POPDC1: variants seen among roughly 807,000 people sequenced by gnomAD.
The protein encoded by POPDC1 is popeye domain-containing protein 1.
the POPDC1 span, among the ~76,000 whole-genome samples, chr6:105,110,422 T>C: frequency 1.3e-5 from 2 of 152,362 alleles, no homozygotes; most frequent in Admixed American, 6.5e-5. Context: ...GTACAATTCA[T>C]GTAAAGCTTA....
chr6:105,116,934 T>C, the POPDC1 span: 3 of 1,432,772 alleles, frequency 2.1e-6, no homozygotes, highest in Non-Finnish European at 2.8e-6. Flanking sequence ...ACTATAGTGA[T>C]TTAGAAAACT....
the POPDC1 span, chr6:105,098,616 T>A: frequency 6.6e-6 from 1 of 152,202 alleles, no homozygotes; most frequent in African/African-American, 2.4e-5. Context: ...ATTAGTCTTA[T>A]GCGCGTGTAA....
At chr6:105,132,547 CCCA>C in the POPDC1 span, among the ~76,000 whole-genome samples, 2 of 152,132 alleles carry the variant, frequency 1.3e-5, no homozygotes, top group African/African-American at 4.8e-5. Flanking sequence ...TCCACCAGCC[CCCA>C]CAAGAGTGTC....
At chr6:105,118,959 C>T in the POPDC1 span, among the ~76,000 whole-genome samples, 5 of 151,812 alleles carry the variant, frequency 3.3e-5, no homozygotes, top group Non-Finnish European at 7.4e-5. Context: ...TAAGATGGGC[C>T]GATCACTTCA....
chr6:105,121,268 C>CTTTT, the POPDC1 span, among the ~76,000 whole-genome samples: 1 of 142,604 alleles, frequency 7.0e-6, no homozygotes, highest in Non-Finnish European at 1.5e-5. Context: ...CTACTTTTAT[C>CTTTT]TTTTTTTTTT....
the POPDC1 span, chr6:105,100,738 G>A: frequency 1.3e-5 from 2 of 156,498 alleles, no homozygotes; most frequent in Non-Finnish European, 1.4e-5. Flanking sequence ...AAGACTGTGA[G>A]GAAAAAGAAT....
the POPDC1 span, among the ~76,000 whole-genome samples, chr6:105,111,139 G>A: frequency 1.4e-3 from 213 of 152,208 alleles, no homozygotes; most frequent in African/African-American, 5.0e-3. Context: ...CTTTTTCAAA[G>A]ATGAGTTCCA....
chr6:105,131,434 T>A, the POPDC1 span, among the ~76,000 whole-genome samples: 47 of 151,064 alleles, frequency 3.1e-4, no homozygotes, highest in African/African-American at 1.0e-3. Context: ...TTTCACTTTT[T>A]AAAATTTTTT....
the POPDC1 span, among the ~76,000 whole-genome samples, chr6:105,127,282 G>A: frequency 6.6e-6 from 1 of 152,164 alleles, no homozygotes; most frequent in Non-Finnish European, 1.5e-5. Flanking sequence ...CCTATTTGGT[G>A]CTATGATCAT....
At chr6:105,124,285 G>C in the POPDC1 span, among the ~76,000 whole-genome samples, 1 of 151,492 alleles carries the variant, frequency 6.6e-6, no homozygotes, top group Admixed American at 6.6e-5. Context: ...AGGAGGTTGA[G>C]GCAGGAGAAT....
chr6:105,098,616 T>C, the POPDC1 span: 10 of 152,202 alleles, frequency 6.6e-5, no homozygotes, highest in Non-Finnish European at 1.2e-4. Context: ...ATTAGTCTTA[T>C]GCGCGTGTAA....
the POPDC1 span, among the ~76,000 whole-genome samples, chr6:105,106,477 C>T: frequency 6.6e-6 from 1 of 152,312 alleles, no homozygotes; most frequent in South Asian, 2.1e-4. Flanking sequence ...GGGACAGCAG[C>T]GAGAGTCCTG....
the POPDC1 span, among the ~76,000 whole-genome samples, chr6:105,104,305 C>T: frequency 6.6e-6 from 1 of 152,148 alleles, no homozygotes; most frequent in Non-Finnish European, 1.5e-5. Context: ...AGCCCTTCCA[C>T]ATTCTGTGTA....
the POPDC1 span, among the ~76,000 whole-genome samples, chr6:105,131,792 C>G: frequency 6.6e-6 from 1 of 151,916 alleles, no homozygotes; most frequent in African/African-American, 2.4e-5. Context: ...CTCCAAAACT[C>G]TGTCTTAAAA....
chr6:105,109,763 C>CAAAAAAAAAAAAAAA, the POPDC1 span, among the ~76,000 whole-genome samples: 1,330 of 22,692 alleles, frequency 0.059, 302 homozygotes, highest in Middle Eastern at 0.14. Context: ...GACCCTTTCT[C>CAAAAAAAAAAAAAAA]AAAAAAAAAA....
At chr6:105,137,029 G>C in the POPDC1 span, 1 of 152,234 alleles carries the variant, frequency 6.6e-6, no homozygotes, top group South Asian at 2.1e-4. Context: ...CGGCAGCTTC[G>C]GGGCGCGGGA....
the POPDC1 span, among the ~76,000 whole-genome samples, chr6:105,118,559 G>A: frequency 1.3e-5 from 2 of 152,180 alleles, no homozygotes; most frequent in Non-Finnish European, 2.9e-5. Flanking sequence ...AAGACAAGAT[G>A]CTTGCCCCAT....
At chr6:105,134,389 T>A in the POPDC1 span, among the ~76,000 whole-genome samples, 1 of 152,104 alleles carries the variant, frequency 6.6e-6, no homozygotes, top group South Asian at 2.1e-4. Flanking sequence ...ATAAAACCAT[T>A]TCCTATGTTA....
At chr6:105,115,550 T>C in the POPDC1 span, 1 of 1,104,024 alleles carries the variant, frequency 9.1e-7, no homozygotes. Flanking sequence ...AAAATTTGAT[T>C]GTTTTTATTG....
Sources: allele counts gnomAD v4.1 joint callset (sites outside exome capture counted in the v4.1 genomes callset), GRCh38; gene constraint gnomAD v4.1.1; transcripts MANE v1.5; gene names NCBI Gene and HGNC (gene_info 2026-07-23, HGNC 2026-07-21).